The following COX6C variants were observed in gnomAD, a reference collection of about 807,000 sequenced individuals.
COX6C encodes cytochrome c oxidase subunit 6C.
In COX6C, 3 loss-of-function variants were observed where a neutral mutation model predicts 6.9. That is an observed-to-expected ratio of 0.43 (90% CI 0.20 to 1.12). The LOEUF (loss-of-function observed/expected upper bound fraction) is 1.12, where lower values mean the gene tolerates loss of function less well. COX6C is among the 50% of genes most tolerant of loss of function. The pLI is 0.27. For missense variants in COX6C, 101 were observed against 97.3 expected, an observed-to-expected ratio of 1.04 and a Z score of -0.16; for synonymous variants, 32 against 32.0, an observed-to-expected ratio of 1.00 and a Z score of 0.00.
At chr8:99,891,841 T>G in intron 2 of COX6C, 67 bp downstream of exon 2, 1 of 1,421,908 alleles carries the variant, frequency 7.0e-7, no homozygotes, top group Non-Finnish European at 9.9e-7. Flanking sequence ...GGGAGTTTCT[T>G]TAAAAGATTT....
chr8:99,888,260 T>C (rs546886849), intron 2 of COX6C, among the ~76,000 whole-genome samples: 198 of 145,046 alleles, frequency 1.4e-3, no homozygotes, highest in African/African-American at 4.9e-3. Flanking sequence ...GAATTCCCAA[T>C]TTCTTCCCAG....
intron 2 of COX6C, among the ~76,000 whole-genome samples, chr8:99,889,345 AGCG>A (rs1165700390): frequency 6.6e-6 from 1 of 150,440 alleles, no homozygotes; most frequent in African/African-American, 2.4e-5. Flanking sequence ...CCTGGAGTGC[AGCG>A]GCACGATCTC....
chr8:99,891,648 T>C lies in COX6C; in HGVS notation c.114+260A>G, dbSNP rs532508079. On this transcript the variant is annotated intron_variant, in intron 2 of 3. Transcript: ENST00000520468. ...AAGCCAACAGAGGCCTCAGAAGATATCAACCCTGCCAACAGATTTCTAGCC... is the reference window on the plus strand; with the variant it reads ...AAGCCAACAGAGGCCTCAGAAGATACCAACCCTGCCAACAGATTTCTAGCC... Among the ~76,000 whole-genome samples the C allele has an allele frequency of 3.9e-5, 6 of 152,206 alleles. No homozygotes were observed. The South Asian group carries it at 1.2e-3, about 32-fold the overall frequency.
intron 2 of COX6C, among the ~76,000 whole-genome samples, chr8:99,889,247 T>C (rs1732458465): frequency 6.6e-6 from 1 of 152,138 alleles, no homozygotes; most frequent in African/African-American, 2.4e-5. Flanking sequence ...GTCCACTTAG[T>C]GCTCCCACTC....
At chr8:99,887,709 G>T in intron 2 of COX6C, 91 bp from the exon 3 acceptor site, 1 of 801,580 alleles carries the variant, frequency 1.2e-6, no homozygotes, top group Non-Finnish European at 1.9e-6. Flanking sequence ...TAGAACACAT[G>T]TTTTTGTTCA....
intron 2 of COX6C, among the ~76,000 whole-genome samples, chr8:99,889,781 T>C (rs1246479208): frequency 6.6e-6 from 1 of 151,978 alleles, no homozygotes; most frequent in Non-Finnish European, 1.5e-5. Flanking sequence ...AGGCACATCA[T>C]GTATTTTTGT....
rs1176769140 is a variant in COX6C at position 99,887,540 on chromosome 8, T to A, written c.193A>T (p.Met65Leu). The change falls in exon 3 of 4, where the codon ATG (methionine) becomes TTG (leucine). Residue 65 changes from methionine to leucine, a missense_variant. Coordinates refer to ENST00000520468, the MANE Select transcript of COX6C (RefSeq NM_004374.4). ...NYDVMKDFEE[M>L]RKAGIFQSVK ...CTCTGAAAGATACCAGCCTTCCTCA[T>A]CTCCTCAAAATCTTTCATGACATCG... 3 of 1,608,974 alleles carry A rather than the reference T, an allele frequency of 1.9e-6. No individual in the cohort carries two copies. Among genetic ancestry groups the A allele is most frequent in the Non-Finnish European group, 2.5e-6 (3 of 1,178,176 alleles).
At chr8:99,889,329 G>A (rs1025953956) in intron 2 of COX6C, among the ~76,000 whole-genome samples, 91 of 150,162 alleles carry the variant, frequency 6.1e-4, no homozygotes, top group African/African-American at 2.2e-3. Context: ...TGGCTCTATC[G>A]CCCAGCCTGG....
At chr8:99,886,068 T>C (rs915369429) in intron 3 of COX6C, 10 of 152,164 alleles carry the variant, frequency 6.6e-5, no homozygotes, top group African/African-American at 2.4e-4. Flanking sequence ...TACCACCTCA[T>C]ACCTATTAGG....
chr8:99,887,168 A>G (rs969841221), intron 3 of COX6C: 22 of 164,034 alleles, frequency 1.3e-4, no homozygotes, highest in African/African-American at 5.0e-4. Context: ...ATCTAACACA[A>G]AGCCTAGCTT....
intron 3 of COX6C, chr8:99,886,460 T>C (rs1049160411): frequency 1.3e-5 from 2 of 152,054 alleles, no homozygotes; most frequent in African/African-American, 4.8e-5. Context: ...GAAAAGGGTA[T>C]GGCAGTTTCT....
intron 2 of COX6C, among the ~76,000 whole-genome samples, chr8:99,888,376 G>C (rs927354005): frequency 2.0e-5 from 3 of 152,034 alleles, no homozygotes; most frequent in African/African-American, 7.2e-5. Flanking sequence ...TTGGAGACCA[G>C]CCTGGCCAAC....
chr8:99,893,621 A>C lies in COX6C; in HGVS notation c.-32+18T>G, dbSNP rs542474800. 6.6e-6 allele frequency: 1 copy of C among 152,468 alleles called. No individual in the cohort carries two copies. The highest frequency in any genetic ancestry group is 1.9e-4 in the East Asian group (1 of 5,188). The allele number at this position is 152,468 out of a possible 1,614,324, so 9.4% of individuals were successfully genotyped here. A position where few individuals can be genotyped will look rare whatever the true frequency, so the allele number is the denominator to read the frequency against. ...ACCCGCAGTGTCGGGGTAGGGATGCAAAAGGGACCGGACTCACCTCAACAC... is the reference window on the plus strand; with the variant it reads ...ACCCGCAGTGTCGGGGTAGGGATGCCAAAGGGACCGGACTCACCTCAACAC... On this transcript the variant is annotated intron_variant, in intron 1 of 3. Transcript: ENST00000520468.
chr8:99,883,463 A>G lies in COX6C; in HGVS notation c.*15+4027T>C, dbSNP rs1367290665. On this transcript the variant is annotated intron_variant, in intron 3 of 3. Transcript: ENST00000520468. ...TGTGTGTGTGTGTGTGTATATATAT[A>G]TATATATATTTTTTTTTTGGTAGAG... is the stretch of plus-strand genomic sequence containing the variant. Among the ~76,000 whole-genome samples the G allele has an allele frequency of 1.0e-4, 15 of 144,900 alleles. No individual in the cohort carries two copies. The East Asian group carries it at 3.0e-3, about 29-fold the overall frequency.
At chr8:99,884,949 C>T (rs1366824687) in intron 3 of COX6C, among the ~76,000 whole-genome samples, 1 of 152,204 alleles carries the variant, frequency 6.6e-6, no homozygotes, top group Non-Finnish European at 1.5e-5. Flanking sequence ...AATGCAATCC[C>T]TATCAAAATC....
intron 3 of COX6C, among the ~76,000 whole-genome samples, chr8:99,882,980 G>A (rs978830076): frequency 5.3e-5 from 8 of 152,004 alleles, no homozygotes; most frequent in African/African-American, 1.9e-4. Context: ...TAGAGACGGG[G>A]TTTCGCCATG....
Position 99,892,012 on chromosome 8 carries a change from C to G in COX6C, c.10G>C (p.Glu4Gln), listed in dbSNP as rs748343632. The G allele has an allele frequency of 3.7e-6, 6 of 1,611,888 alleles. No individual in the cohort carries two copies. The highest frequency in any genetic ancestry group is 5.1e-6 in the Non-Finnish European group (6 of 1,179,476). The change falls in exon 2 of 4, where the codon GAA (glutamate) becomes CAA (glutamine). Residue 4 changes from glutamate to glutamine, a missense_variant. By Grantham distance (29) the Glu-to-Gln change is conservative (BLOSUM62 2). Transcript: ENST00000520468. Reference sequence around the variant, plus strand: ...CGCATCCGAGGTTTTGGCAAAACTTCGGGAGCCATGGTAGTTACTGTCCTT... The same window carrying G: ...CGCATCCGAGGTTTTGGCAAAACTTGGGGAGCCATGGTAGTTACTGTCCTT... Reference protein sequence around the residue: MAPEVLPKPRMRGL... With the variant: MAPQVLPKPRMRGL...
intron 2 of COX6C, among the ~76,000 whole-genome samples, chr8:99,889,956 T>TGGTG (rs1818008767): frequency 6.6e-6 from 1 of 151,552 alleles, no homozygotes; most frequent in South Asian, 2.1e-4. Context: ...TAGCCGGGTG[T>TGGTG]GGTGGCGGAC....
At position 99,886,813 on chromosome 8, in the gene COX6C, A is replaced by C. The variant is rs541865912; in HGVS notation, c.*15+677T>G. Among the ~76,000 whole-genome samples the C allele has an allele frequency of 2.6e-5, 4 of 152,328 alleles. No individual in the cohort carries two copies. The South Asian group carries it at 8.3e-4, about 32-fold the overall frequency. On this transcript the variant is annotated intron_variant, in intron 3 of 3. Coordinates refer to ENST00000520468, the MANE Select transcript of COX6C (RefSeq NM_004374.4). The stretch of plus-strand genomic sequence containing the variant: ...TGCCTGGGGTAGCCAAATTCTTAGA[A>C]AGTAACACAGTGGCTGCCAGGGTCT...
Sources: allele counts gnomAD v4.1 joint callset (sites outside exome capture counted in the v4.1 genomes callset), GRCh38; gene constraint gnomAD v4.1.1; transcripts MANE v1.5; gene names NCBI Gene and HGNC (gene_info 2026-07-23, HGNC 2026-07-21).